Variants in ENOX2 observed in about 807,000 individuals in gnomAD.
The protein encoded by ENOX2 is ecto-NOX disulfide-thiol exchanger 2, also known as APK1 antigen.
Under a neutral mutation model 45.0 loss-of-function variants are expected in ENOX2, and 36 were observed. That is an observed-to-expected ratio of 0.80 (90% CI 0.61 to 1.06). ENOX2 has a LOEUF of 1.06. ENOX2 is among the 50% of genes least tolerant of loss of function. The pLI is 0.00. For missense variants in ENOX2, 423 were observed against 462.5 expected (o/e 0.91, Z 0.78); for synonymous variants, 174 against 152.3 (o/e 1.14, Z -1.05).
At chrX:130,724,177 C>A (rs141618337) in intron 3 of ENOX2, among the ~76,000 whole-genome samples, 183 of 112,136 alleles carry the variant, frequency 1.6e-3, no homozygotes, top group African/African-American at 5.6e-3. Context: ...TAATTTTTTT[C>A]TTTTGCCAAC....
At chrX:130,717,561 C>T in intron 3 of ENOX2, among the ~76,000 whole-genome samples, 1 of 112,327 alleles carries the variant, frequency 8.9e-6, no homozygotes, top group Non-Finnish European at 1.9e-5. Flanking sequence ...TCAGAGCCAA[C>T]TGGCTAGGTT....
intron 2 of ENOX2, among the ~76,000 whole-genome samples, chrX:130,874,455 A>T (rs945950981): frequency 3.6e-5 from 4 of 112,232 alleles, no homozygotes; most frequent in African/African-American, 9.7e-5. Context: ...AACTATGGAA[A>T]TCATGTGGAA....
At chrX:130,784,506 A>G (rs148946900) in intron 2 of ENOX2, among the ~76,000 whole-genome samples, 22 of 110,642 alleles carry the variant, frequency 2.0e-4, no homozygotes, top group Non-Finnish European at 4.0e-4. Flanking sequence ...AAGTTAAGAC[A>G]TCTCCTGTAA....
chrX:130,646,463 C>T, intron 10 of ENOX2: 2 of 181,823 alleles, frequency 1.1e-5, no homozygotes, highest in Middle Eastern at 1.9e-3. Context: ...TGGCTTTGAC[C>T]ACTTCTTGTG....
At chrX:130,873,909 G>C (rs1433699232) in intron 2 of ENOX2, among the ~76,000 whole-genome samples, 3 of 110,335 alleles carry the variant, frequency 2.7e-5, no homozygotes, top group Non-Finnish European at 5.7e-5. Flanking sequence ...TGGGGGACTA[G>C]GGGAGGAATA....
At chrX:130,799,984 T>TA (rs1031587125) in intron 2 of ENOX2, among the ~76,000 whole-genome samples, 6 of 111,619 alleles carry the variant, frequency 5.4e-5, no homozygotes, top group African/African-American at 1.6e-4. Context: ...AGTTTTTTTT[T>TA]AATGATGTTT....
rs768233711 is a variant in ENOX2 at position 130,757,287 on chromosome X, A to G, written c.-39+26260T>C. ...TCTCCCACTCCCATAGACATGCACA[A>G]TGCATTTTGTCCAAGCTGTACTGGT... is the stretch of plus-strand genomic sequence containing the variant. On this transcript the variant is annotated intron_variant, in intron 3 of 14. Transcript: ENST00000394363. 1.9e-4 allele frequency among the ~76,000 whole-genome samples: 21 copies of G among 111,871 alleles called. 1 individual carries two copies. Among genetic ancestry groups the G allele is most frequent in the African/African-American group, 6.8e-4 (21 of 30,841 alleles).
chrX:130,843,680 T>C (rs2078051475), intron 2 of ENOX2, among the ~76,000 whole-genome samples: 1 of 111,991 alleles, frequency 8.9e-6, no homozygotes, highest in Non-Finnish European at 1.9e-5. Context: ...TTTTCAGTTC[T>C]AGCCTCAGGG....
intron 2 of ENOX2, among the ~76,000 whole-genome samples, chrX:130,804,023 A>C (rs1277275138): frequency 9.0e-6 from 1 of 111,433 alleles, no homozygotes; most frequent in African/African-American, 3.3e-5. Context: ...CCCCATCAGA[A>C]TCTCCACCAG....
intron 6 of ENOX2, among the ~76,000 whole-genome samples, chrX:130,677,855 G>C (rs762871371): frequency 9.0e-6 from 1 of 111,156 alleles, no homozygotes; most frequent in African/African-American, 3.3e-5. Context: ...GGGAAGCCGA[G>C]GTGGGTGGAT....
At chrX:130,721,482 G>T (rs1368470089) in intron 3 of ENOX2, among the ~76,000 whole-genome samples, 1 of 112,153 alleles carries the variant, frequency 8.9e-6, no homozygotes, top group Non-Finnish European at 1.9e-5. Flanking sequence ...TAGCATCTTT[G>T]CTAGGGTTCA....
chrX:130,835,756 A>G (rs1402239822), intron 2 of ENOX2, among the ~76,000 whole-genome samples: 2 of 111,066 alleles, frequency 1.8e-5, no homozygotes, highest in Non-Finnish European at 3.8e-5. Flanking sequence ...ATCAAGCAGA[A>G]GCTTCCATAA....
intron 12 of ENOX2, among the ~76,000 whole-genome samples, chrX:130,634,503 T>C (rs1301734433): frequency 8.9e-6 from 1 of 111,910 alleles, no homozygotes; most frequent in East Asian, 2.8e-4. Flanking sequence ...AAGGTTTCTC[T>C]CTTCTTGGTA....
At chrX:130,756,824 T>C (rs1433887849) in intron 3 of ENOX2, among the ~76,000 whole-genome samples, 1 of 112,393 alleles carries the variant, frequency 8.9e-6, no homozygotes, top group African/African-American at 3.2e-5. Context: ...GTAAATTGAC[T>C]TTGGGTCTTG....
At chrX:130,662,990 T>C (rs2036733092) in intron 9 of ENOX2, among the ~76,000 whole-genome samples, 1 of 111,951 alleles carries the variant, frequency 8.9e-6, no homozygotes, top group South Asian at 3.8e-4. Flanking sequence ...CCAAGGAAGT[T>C]TTGTTACAAT....
chrX:130,793,630 T>C (rs1338980071), intron 2 of ENOX2, among the ~76,000 whole-genome samples: 2 of 111,953 alleles, frequency 1.8e-5, no homozygotes, highest in Admixed American at 1.9e-4. Flanking sequence ...TAAATCCATA[T>C]TTTCGTACAC....
At chrX:130,717,449 G>T (rs934286054) in intron 3 of ENOX2, among the ~76,000 whole-genome samples, 1 of 111,916 alleles carries the variant, frequency 8.9e-6, no homozygotes, top group Non-Finnish European at 1.9e-5. Flanking sequence ...GGGCAAGGCA[G>T]CTGAAATACT....
At chrX:130,692,033 T>C (rs935885140) in intron 4 of ENOX2, among the ~76,000 whole-genome samples, 1 of 113,350 alleles carries the variant, frequency 8.8e-6, no homozygotes, top group African/African-American at 3.2e-5. Flanking sequence ...CCTCTTCCTT[T>C]TGTTCAATAT....
chrX:130,786,208 C>T (rs1194212788), intron 2 of ENOX2, among the ~76,000 whole-genome samples: 1 of 111,601 alleles, frequency 9.0e-6, no homozygotes, highest in Non-Finnish European at 1.9e-5. Flanking sequence ...AGCTGATAAT[C>T]AAGAATTAAT....
Sources: gnomAD v4.1 joint callset for allele counts (sites outside exome capture counted in the v4.1 genomes callset) on GRCh38, gnomAD v4.1.1 for gene constraint, MANE v1.5 for transcripts, NCBI Gene and HGNC (gene_info 2026-07-23, HGNC 2026-07-21) for gene names.